The following FBXL7 variants were observed in gnomAD, a reference collection of about 807,000 sequenced individuals.
The protein encoded by FBXL7 is F-box/LRR-repeat protein 7.
A neutral mutation model predicts 38.3 loss-of-function variants in FBXL7; 12 were observed. The observed-to-expected ratio is 0.31, with a 90% CI of 0.20 to 0.51. The LOEUF is 0.51. FBXL7 is among the 20% of genes least tolerant of loss of function. The pLI is 0.98. For missense variants in FBXL7, 567 were observed against 676.4 expected (o/e 0.84, Z 1.79); for synonymous variants, 297 against 300.9 (o/e 0.99, Z 0.13).
At chr5:15,920,256 C>CA (rs59381588) in intron 2 of FBXL7, among the ~76,000 whole-genome samples, 6,512 of 139,828 alleles carry the variant, frequency 0.047, 167 homozygotes, top group South Asian at 0.067. Flanking sequence ...GACTCCATCT[C>CA]AAAAAAAAAA....
intron 1 of FBXL7, among the ~76,000 whole-genome samples, chr5:15,547,294 T>C (rs1737939999): frequency 6.6e-6 from 1 of 152,228 alleles, no homozygotes; most frequent in Non-Finnish European, 1.5e-5. Context: ...TGATTACCTC[T>C]TGGGAAAATT....
chr5:15,526,717 T>C (rs1231596587), intron 1 of FBXL7, among the ~76,000 whole-genome samples: 1 of 152,164 alleles, frequency 6.6e-6, no homozygotes, highest in Non-Finnish European at 1.5e-5. Flanking sequence ...GAAGAGAGTA[T>C]GAACACATCA....
chr5:15,555,113 A>G (rs1015615617), intron 1 of FBXL7, among the ~76,000 whole-genome samples: 1 of 152,224 alleles, frequency 6.6e-6, no homozygotes, highest in African/African-American at 2.4e-5. Context: ...CATTCATCCA[A>G]ATTTAACTTA....
intron 1 of FBXL7, 56 bp from the exon 2 acceptor site, chr5:15,615,918 GTGGAAGGCA>G: frequency 1.9e-6 from 2 of 1,060,188 alleles, no homozygotes; most frequent in Non-Finnish European, 2.9e-6. Flanking sequence ...GTGGGACCGA[GTGGAAGGCA>G]TGGTCCAGGT....
chr5:15,645,217 G>C (rs1035903985), intron 2 of FBXL7, among the ~76,000 whole-genome samples: 1 of 152,096 alleles, frequency 6.6e-6, no homozygotes, highest in African/African-American at 2.4e-5. Context: ...ACTGTGAAAG[G>C]AAAATAAATC....
intron 2 of FBXL7, among the ~76,000 whole-genome samples, chr5:15,805,957 AT>A (rs1207123214): frequency 6.6e-6 from 1 of 152,184 alleles, no homozygotes; most frequent in Non-Finnish European, 1.5e-5. Context: ...GTGAAGATTG[AT>A]TTTTGTTGTA....
intron 1 of FBXL7, among the ~76,000 whole-genome samples, chr5:15,595,376 A>T (rs1430560144): frequency 1.3e-5 from 2 of 152,170 alleles, no homozygotes; most frequent in African/African-American, 4.8e-5. Context: ...GCAGTGCTGC[A>T]TGTGACGAGT....
Position 15,851,850 on chromosome 5 carries a change from A to ACACACACACACG in FBXL7, c.128-76040_128-76039insCACACACACACG, listed in dbSNP as rs113175311. On this transcript the variant is annotated intron_variant, in intron 2 of 3. Transcript: ENST00000504595. ...CACACACACACACACACACACACAC[A>ACACACACACACG]AAGTTCCTTGGCTAGTTTTTTTGTA... Among the ~76,000 whole-genome samples the ACACACACACACG allele has an allele frequency of 4.9e-5, 7 of 142,258 alleles. 1 individual carries two copies. Among genetic ancestry groups the ACACACACACACG allele is most frequent in the African/African-American group, 1.8e-4 (7 of 38,262 alleles). 93.3% of individuals were successfully genotyped at this position (142,258 alleles called of 152,430 possible).
chr5:15,925,799 A>T (rs1426755321), intron 2 of FBXL7, among the ~76,000 whole-genome samples: 1 of 152,228 alleles, frequency 6.6e-6, no homozygotes, highest in Non-Finnish European at 1.5e-5. Flanking sequence ...ACCTATACAG[A>T]TAGTTCCTGA....
intron 2 of FBXL7, among the ~76,000 whole-genome samples, chr5:15,695,625 A>G (rs1743310485): frequency 6.6e-6 from 1 of 152,066 alleles, no homozygotes. Flanking sequence ...TGATCTATGG[A>G]TTTCTCCCTG....
intron 2 of FBXL7, among the ~76,000 whole-genome samples, chr5:15,920,291 T>C (rs1189573077): frequency 2.0e-5 from 3 of 151,996 alleles, no homozygotes; most frequent in African/African-American, 7.3e-5. Context: ...TCTAGTTAAA[T>C]GCAATGACTC....
chr5:15,816,213 G>T (rs1738009301), intron 2 of FBXL7, among the ~76,000 whole-genome samples: 2 of 151,848 alleles, frequency 1.3e-5, no homozygotes, highest in South Asian at 4.2e-4. Context: ...GAACCTAAGT[G>T]CCCATCAGCC....
intron 2 of FBXL7, among the ~76,000 whole-genome samples, chr5:15,788,239 C>T (rs975043393): frequency 6.6e-6 from 1 of 152,154 alleles, no homozygotes; most frequent in East Asian, 1.9e-4. Context: ...CAAAGAAGGT[C>T]GCATCCTGAG....
chr5:15,603,991 G>A (rs1739903332), intron 1 of FBXL7, among the ~76,000 whole-genome samples: 1 of 152,114 alleles, frequency 6.6e-6, no homozygotes, highest in Admixed American at 6.5e-5. Context: ...TCAAAAGTTA[G>A]CTGGGCATAA....
At chr5:15,766,963 T>TA (rs1212070239) in intron 2 of FBXL7, among the ~76,000 whole-genome samples, 33 of 152,248 alleles carry the variant, frequency 2.2e-4, no homozygotes, top group Non-Finnish European at 4.4e-5. Context: ...AACTCTGTTT[T>TA]AAAAATCTGT....
At chr5:15,743,605 C>T (rs1021942407) in intron 2 of FBXL7, among the ~76,000 whole-genome samples, 7 of 152,142 alleles carry the variant, frequency 4.6e-5, no homozygotes, top group East Asian at 1.9e-4. Flanking sequence ...GCAAGCTGTT[C>T]GTGGATATAC....
chr5:15,517,307 T>G (rs2126367344), intron 1 of FBXL7, among the ~76,000 whole-genome samples: 1 of 152,334 alleles, frequency 6.6e-6, no homozygotes, highest in East Asian at 1.9e-4. Flanking sequence ...GCCCACAGTC[T>G]GGTGGGTAGA....
At chr5:15,730,368 A>G (rs1205482138) in intron 2 of FBXL7, among the ~76,000 whole-genome samples, 1 of 152,124 alleles carries the variant, frequency 6.6e-6, no homozygotes, top group Non-Finnish European at 1.5e-5. Flanking sequence ...TCTTAATCAT[A>G]TCTTGGCTTC....
intron 2 of FBXL7, among the ~76,000 whole-genome samples, chr5:15,772,496 G>A (rs1325530625): frequency 6.6e-6 from 1 of 152,116 alleles, no homozygotes; most frequent in African/African-American, 2.4e-5. Context: ...TCACTGAAAG[G>A]CACCATTGAA....
Sources: allele counts gnomAD v4.1 joint callset (sites outside exome capture counted in the v4.1 genomes callset), GRCh38; gene constraint gnomAD v4.1.1; transcripts MANE v1.5; gene names NCBI Gene and HGNC (gene_info 2026-07-23, HGNC 2026-07-21).